The following NLRP14 variants were observed in gnomAD, a reference collection of about 807,000 sequenced individuals.
NLRP14 encodes the protein NACHT, LRR and PYD domains-containing protein 14.
Under a neutral mutation model 94.7 loss-of-function variants are expected in NLRP14, and 105 were observed. That is an observed-to-expected ratio of 1.11 (90% confidence interval 0.95 to 1.30). The LOEUF (loss-of-function observed/expected upper bound fraction) is 1.30. Among genes scored for constraint, NLRP14 ranks in the 50% most tolerant of loss-of-function variants. The pLI, the probability that NLRP14 is intolerant of heterozygous loss-of-function variation, is 0.00. For synonymous variants in NLRP14, 508 were observed against 459.9 expected (o/e 1.10, Z -1.34); for missense variants, 1,362 against 1,254.1 (o/e 1.09, Z -1.30).
intron 1 of NLRP14, among the ~76,000 whole-genome samples, chr11:7,027,596 T>G (rs1043313341): frequency 7.2e-5 from 11 of 152,166 alleles, no homozygotes; most frequent in African/African-American, 2.7e-4. Context: ...GCAGGCCTAC[T>G]TCCCTCTCAG....
chr11:7,089,092 G>C, the NLRP14 span: 1 of 1,604,822 alleles, frequency 6.2e-7, no homozygotes, highest in African/African-American at 1.3e-5. Flanking sequence ...GCCTCCCACC[G>C]CCACTGACCG....
At chr11:7,035,477 T>A (rs1852148481) in intron 1 of NLRP14, among the ~76,000 whole-genome samples, 1 of 152,194 alleles carries the variant, frequency 6.6e-6, no homozygotes, top group Middle Eastern at 3.2e-3. Context: ...CTAATTGGCA[T>A]CAAATAGGTA....
intron 6 of NLRP14, among the ~76,000 whole-genome samples, chr11:7,053,131 G>A (rs1163293093): frequency 6.6e-6 from 1 of 152,034 alleles, no homozygotes; most frequent in African/African-American, 2.4e-5. Flanking sequence ...TTAATATGAA[G>A]AACAAATTGT....
At chr11:7,074,631 A>AT (rs1461484652), downstream of NLRP14, among the ~76,000 whole-genome samples, 3 of 152,330 alleles carry the variant, frequency 2.0e-5, no homozygotes, top group Non-Finnish European at 4.4e-5. Flanking sequence ...TTTCTAATTC[A>AT]TTTTTTAAAG....
chr11:7,090,092 C>G, the NLRP14 span: 6 of 1,611,584 alleles, frequency 3.7e-6, no homozygotes, highest in Admixed American at 1.7e-5. Context: ...GCGGCCGCGA[C>G]AGTTACAGCA....
At chr11:7,028,813 C>T (rs1292624232) in intron 1 of NLRP14, among the ~76,000 whole-genome samples, 1 of 152,054 alleles carries the variant, frequency 6.6e-6, no homozygotes, top group Non-Finnish European at 1.5e-5. Flanking sequence ...GATTCATTCA[C>T]TGCTTTAGGT....
chr11:7,084,134 A>G, the NLRP14 span, among the ~76,000 whole-genome samples: 2 of 152,192 alleles, frequency 1.3e-5, no homozygotes, highest in Non-Finnish European at 2.9e-5. Flanking sequence ...TTATAAACCA[A>G]ACAACTTTCT....
chr11:7,085,200 C>T, the NLRP14 span, among the ~76,000 whole-genome samples: 1 of 152,160 alleles, frequency 6.6e-6, no homozygotes, highest in Non-Finnish European at 1.5e-5. Context: ...ACATGGTGTT[C>T]ACCATCTTAA....
the NLRP14 span, among the ~76,000 whole-genome samples, chr11:7,078,798 A>T: frequency 6.6e-6 from 1 of 152,166 alleles, no homozygotes; most frequent in African/African-American, 2.4e-5. Context: ...CAAAAAAAAA[A>T]TTGATTAAAT....
rs199744882 is a variant in NLRP14, at chr11:7,062,386, T to G, written c.2858T>G (p.Ile953Ser). Residue 953 changes from isoleucine (I) to serine (S), a missense_variant, in exon 10 of 12, where the codon ATT becomes AGT. Ile to Ser is a moderately radical substitution (Grantham distance 142, BLOSUM62 -2). Transcript: ENST00000299481. ...NACCLDLASV[I>S]LNNPNLRSLD... Reference sequence around the variant, plus strand: ...TGTTGTCTGGATCTGGCTTCTGTTATTTTGAATAACCCAAACCTGAGGAGC... The same window carrying G: ...TGTTGTCTGGATCTGGCTTCTGTTAGTTTGAATAACCCAAACCTGAGGAGC... 2.5e-6 allele frequency: 4 copies of G among 1,613,146 alleles called. No homozygotes were observed. Among genetic ancestry groups the G allele is most frequent in the Non-Finnish European group, 3.4e-6 (4 of 1,179,410 alleles).
At chr11:7,087,949 A>G in the NLRP14 span, among the ~76,000 whole-genome samples, 3 of 152,222 alleles carry the variant, frequency 2.0e-5, no homozygotes, top group Non-Finnish European at 4.4e-5. Flanking sequence ...CAATTTTTAT[A>G]TATCTCACAA....
chr11:7,061,275 C>A (rs1269026693), intron 9 of NLRP14, among the ~76,000 whole-genome samples: 1 of 152,040 alleles, frequency 6.6e-6, no homozygotes, highest in East Asian at 1.9e-4. Flanking sequence ...CTATGTGATT[C>A]TCTGGAATTT....
Position 7,043,718 on chromosome 11 carries a change from G to A in NLRP14, c.1692G>A (p.Met564Ile). ...LKIKSKLLQC[M>I]EVLGNSDYSP... Reference sequence around the variant, plus strand: ...TAAAATCAAAGTTACTTCAGTGTATGGAAGTATTAGGAAACAGTGACTATT... The same window carrying A: ...TAAAATCAAAGTTACTTCAGTGTATAGAAGTATTAGGAAACAGTGACTATT... Residue 564 changes from methionine (M) to isoleucine (I), a missense_variant, in exon 4 of 12, where the codon ATG becomes ATA. Coordinates refer to ENST00000299481, the MANE Select transcript of NLRP14 (RefSeq NM_176822.4). 1.1e-5 allele frequency: 17 copies of A among 1,613,956 alleles called. No homozygotes were observed. Among genetic ancestry groups the A allele is most frequent in the Non-Finnish European group, 1.4e-5 (17 of 1,179,864 alleles).
chr11:7,043,162 T>C lies in NLRP14; in HGVS notation c.1136T>C (p.Leu379Pro). Residue 379 changes from leucine (L) to proline (P), a missense_variant, in exon 4 of 12, where the codon CTG (leucine) becomes CCG (proline). Coordinates refer to ENST00000299481, the MANE Select transcript of NLRP14 (RefSeq NM_176822.4). ...PLVCWAACTC[L>P]KQQMEKGGDV... ...GTGTGCTGGGCCGCTTGTACTTGTC[T>C]GAAGCAGCAAATGGAGAAGGGTGGT... 1.2e-6 allele frequency: 2 copies of C among 1,614,194 alleles called. No individual in the cohort carries two copies. The highest frequency in any genetic ancestry group is 2.2e-5 in the East Asian group (1 of 44,888).
chr11:7,077,848 G>C, the NLRP14 span, among the ~76,000 whole-genome samples: 1 of 152,176 alleles, frequency 6.6e-6, no homozygotes, highest in South Asian at 2.1e-4. Context: ...GAGAATTCAA[G>C]ATGAGATTTG....
Position 7,070,309 on chromosome 11 carries a change from C to T in NLRP14, c.2999C>T (p.Ser1000Phe). 1.2e-6 allele frequency: 2 copies of T among 1,612,122 alleles called. No individual in the cohort carries two copies. The highest frequency in any genetic ancestry group is 1.7e-6 in the Non-Finnish European group (2 of 1,178,420). Reference protein sequence around the residue: ...RLGLEYCGLTSLCCQDLSSAL... With the variant: ...RLGLEYCGLTFLCCQDLSSAL... ...AGGTTGGAATACTGTGGTTTGACATCTCTCTGCTGTCAAGATCTCTCCTCT... is the reference window on the plus strand; with the variant it reads ...AGGTTGGAATACTGTGGTTTGACATTTCTCTGCTGTCAAGATCTCTCCTCT... The change falls in exon 11 of 12, where the codon TCT (serine) becomes TTT (phenylalanine). Residue 1000 changes from serine (S) to phenylalanine (F), a missense_variant. Transcript: ENST00000299481.
chr11:7,022,736 A>G (rs113912358), intron 1 of NLRP14, among the ~76,000 whole-genome samples: 63 of 152,328 alleles, frequency 4.1e-4, no homozygotes, highest in African/African-American at 1.4e-3. Flanking sequence ...TAGATACCCA[A>G]CTAGAATTCC....
the NLRP14 span, among the ~76,000 whole-genome samples, chr11:7,088,388 T>A: frequency 6.6e-6 from 1 of 152,190 alleles, no homozygotes; most frequent in Non-Finnish European, 1.5e-5. Flanking sequence ...CAAGGCATGA[T>A]ATTAACCAGT....
chr11:7,036,283 C>T (rs1384356653), intron 1 of NLRP14, among the ~76,000 whole-genome samples: 1 of 152,162 alleles, frequency 6.6e-6, no homozygotes, highest in Non-Finnish European at 1.5e-5. Context: ...GTTCCTCTTT[C>T]TAAAAAGGTA....
Sources: gnomAD v4.1 joint callset for allele counts (sites outside exome capture counted in the v4.1 genomes callset) on GRCh38, gnomAD v4.1.1 for gene constraint, MANE v1.5 for transcripts, NCBI Gene and HGNC (gene_info 2026-07-23, HGNC 2026-07-21) for gene names.